EXOC3L2: variants seen among roughly 807,000 people sequenced by gnomAD.
EXOC3L2 encodes the protein exocyst complex component 3 like 2.
A neutral mutation model predicts 44.4 loss-of-function variants in EXOC3L2; 17 were observed. The observed-to-expected ratio is 0.38, with a 90% CI of 0.26 to 0.57. The LOEUF is 0.57. EXOC3L2 is among the 20% of genes least tolerant of loss of function. The pLI is 0.65. For missense variants in EXOC3L2, 541 were observed against 588.4 expected, an observed-to-expected ratio of 0.92 and a Z score of 0.83; for synonymous variants, 256 against 253.7, an observed-to-expected ratio of 1.01 and a Z score of -0.09.
chr19:45,242,233 A>G (rs1380314223), intron 1 of EXOC3L2, among the ~76,000 whole-genome samples: 2 of 152,164 alleles, frequency 1.3e-5, no homozygotes, highest in Non-Finnish European at 1.5e-5. Context: ...CACAGCTCAC[A>G]CAATCATTTG....
chr19:45,241,439 C>T (rs1462116757), intron 1 of EXOC3L2, among the ~76,000 whole-genome samples: 2 of 148,212 alleles, frequency 1.3e-5, no homozygotes, highest in Non-Finnish European at 3.0e-5. Context: ...GATCGCGCCA[C>T]TGCACTCCAG....
At chr19:45,230,055 T>TG (rs748596491) in intron 4 of EXOC3L2, among the ~76,000 whole-genome samples, 3 of 151,876 alleles carry the variant, frequency 2.0e-5, no homozygotes, top group Non-Finnish European at 4.4e-5. Context: ...GGCCACGTCT[T>TG]GCTCTGTCCC....
At chr19:45,213,449 AT>A (rs1377679076) in intron 11 of EXOC3L2, 92 bp from the exon 12 acceptor site, 79 of 1,501,824 alleles carry the variant, frequency 5.3e-5, no homozygotes, top group Non-Finnish European at 6.8e-5. Flanking sequence ...CCCCTCACCT[AT>A]CCCAGAAATT....
chr19:45,217,647 C>A lies in EXOC3L2; in HGVS notation c.1879G>T (p.Glu627Ter). The A allele has an allele frequency of 7.0e-7, 1 of 1,434,168 alleles. No individual in the cohort carries two copies. The highest frequency in any genetic ancestry group is 9.1e-7 in the Non-Finnish European group (1 of 1,103,106). 88.8% of individuals were successfully genotyped at this position (1,434,168 alleles called of 1,614,324 possible). ...VAELHRRALV[E>*]YVRPLLRGRL... ...CCACGGAGCAGGGGCCGCACGTACT[C>A]GACCAGCGCCCGCCGGTGTAGCTCG... The change falls in exon 10 of 12, where the codon GAG becomes TAG. Residue 627 changes from glutamate to a stop codon, truncating the protein, a stop_gained. Coordinates refer to ENST00000413988, the MANE Select transcript of EXOC3L2 (RefSeq NM_001382422.1). LOFTEE classifies it high-confidence loss of function.
chr19:45,224,136 G>A (rs1034664043), intron 8 of EXOC3L2, among the ~76,000 whole-genome samples: 28 of 151,644 alleles, frequency 1.8e-4, no homozygotes, highest in African/African-American at 5.3e-4. Flanking sequence ...GGGGGCTGGC[G>A]TGGCTGGAGT....
At chr19:45,216,018 C>T (rs981369344) in intron 11 of EXOC3L2, 55 bp downstream of exon 11, 17 of 1,602,026 alleles carry the variant, frequency 1.1e-5, no homozygotes, top group African/African-American at 6.7e-5. Context: ...ATGCCAAGGC[C>T]GCCAGGAGAC....
intron 4 of EXOC3L2, 95 bp downstream of exon 4, chr19:45,231,668 A>G: frequency 1.9e-6 from 2 of 1,075,322 alleles, no homozygotes; most frequent in Admixed American, 4.3e-5. Context: ...GGGAGTTGGA[A>G]AGAGTGAAAG....
chr19:45,233,524 G>A (rs1970051425), intron 3 of EXOC3L2, among the ~76,000 whole-genome samples: 1 of 152,184 alleles, frequency 6.6e-6, no homozygotes, highest in Non-Finnish European at 1.5e-5. Context: ...CTCTAAGACT[G>A]GAAGGGTGAA....
At position 45,239,378 on chromosome 19, in the gene EXOC3L2, C is replaced by T. The variant is rs550943146; in HGVS notation, c.-16-317G>A. Among the ~76,000 whole-genome samples the T allele has an allele frequency of 1.2e-3, 172 of 145,338 alleles. 1 individual carries two copies. Among genetic ancestry groups the T allele is most frequent in the African/African-American group, 4.2e-3 (163 of 39,246 alleles). ...GACTACAGGCGCCCACCACCACGCC[C>T]GGCTAACTTTTGTATTTTTAGTAGA... On this transcript the variant is annotated intron_variant, in intron 1 of 11. Coordinates refer to ENST00000413988, the MANE Select transcript of EXOC3L2 (RefSeq NM_001382422.1).
At position 45,221,081 on chromosome 19, in the gene EXOC3L2, G is replaced by T. The variant is rs570154043; in HGVS notation, c.1720-2762C>A. ...GAGGCTGCAGTCTGGGTAGACACAG[G>T]GCATGTGAAGTTCGGAGATATCCCC... is the stretch of plus-strand genomic sequence containing the variant. On this transcript the variant is annotated intron_variant, in intron 8 of 11. Transcript: ENST00000413988. Among the ~76,000 whole-genome samples the T allele has an allele frequency of 2.6e-5, 4 of 152,138 alleles. No individual in the cohort carries two copies. The South Asian group carries it at 8.3e-4, about 32-fold the overall frequency.
rs1969984364 is a variant in EXOC3L2, at chr19:45,228,004, C to T, written c.1442G>A (p.Cys481Tyr). 2 of 1,614,008 alleles carry T rather than the reference C, an allele frequency of 1.2e-6. No individual in the cohort carries two copies. The highest frequency in any genetic ancestry group is 1.7e-6 in the Non-Finnish European group (2 of 1,180,026). The part of the protein sequence containing the change: ...QEFGERMAHC[C>Y]LGGLAEFLQS... The stretch of plus-strand genomic sequence containing the variant: ...CAGGAACTCTGCCAGCCCGCCTAGG[C>T]AGCAGTGGGCCATCCGCTCCCCAAA... The change falls in exon 6 of 12, where the codon TGC becomes TAC. Residue 481 changes from cysteine to tyrosine, a missense_variant. Physicochemically the swap from Cys to Tyr is radical, Grantham distance 194. Transcript: ENST00000413988.
At chr19:45,223,487 T>C (rs142415915) in intron 8 of EXOC3L2, among the ~76,000 whole-genome samples, 13,320 of 151,568 alleles carry the variant, frequency 0.088, 798 homozygotes, top group African/African-American at 0.16. Context: ...GGAGTACAGG[T>C]GTGTGCTGCC....
chr19:45,217,594 G>C lies in EXOC3L2; in HGVS notation c.1932C>G (p.Thr644=), dbSNP rs768964166. The change falls in exon 10 of 12, where the codon ACC becomes ACG. Residue 644 remains threonine, a synonymous_variant. Transcript: ENST00000413988. ...GGAGCCTGCCGGCCACGCGGCTGCG[G>C]GTCCGCGCCGAGCTGCAGCGCAGGC... ...RGRLRCSSAR[T]RSRVAGRLRE... The C allele has an allele frequency of 2.6e-6, 4 of 1,531,170 alleles. No homozygotes were observed. The highest frequency in any genetic ancestry group is 3.5e-6 in the Non-Finnish European group (4 of 1,145,940). The allele number at this position is 1,531,170 out of a possible 1,614,324, so 94.8% of individuals were successfully genotyped here. A position where few individuals can be genotyped will look rare whatever the true frequency, so the allele number is the denominator to read the frequency against.
chr19:45,213,166 A>C lies in EXOC3L2; in HGVS notation c.2312T>G (p.Leu771Arg). 1 of 1,597,462 alleles carries C rather than the reference A, an allele frequency of 6.3e-7. No homozygotes were observed. The highest frequency in any genetic ancestry group is 8.5e-7 in the Non-Finnish European group (1 of 1,171,998). ...PSFCLSLPLF[L>R]GRLPLSRLAR... ...CAGCCGGGAGAGGGGGAGGCGGCCC[A>C]GGAAGAGAGGGAGGCTGAGACAGAA... The change falls in exon 12 of 12, where the codon CTG becomes CGG. Residue 771 changes from leucine to arginine, a missense_variant. Physicochemically the swap from Leu to Arg is moderately radical, Grantham distance 102. Coordinates refer to ENST00000413988, the MANE Select transcript of EXOC3L2 (RefSeq NM_001382422.1).
At chr19:45,240,509 C>T (rs991157799) in intron 1 of EXOC3L2, among the ~76,000 whole-genome samples, 2 of 152,042 alleles carry the variant, frequency 1.3e-5, no homozygotes, top group Non-Finnish European at 2.9e-5. Context: ...GCAGGGTTTC[C>T]TTTTGGGGAA....
intron 4 of EXOC3L2, 51 bp from the exon 5 acceptor site, chr19:45,228,317 C>A (rs1568482503): frequency 1.3e-6 from 2 of 1,501,474 alleles, no homozygotes; most frequent in South Asian, 1.2e-5. Context: ...GCCTGGAGGT[C>A]TTTTTTTTTA....
At chr19:45,213,735 A>G (rs2122949552) in intron 11 of EXOC3L2, among the ~76,000 whole-genome samples, 1 of 152,044 alleles carries the variant, frequency 6.6e-6, no homozygotes, top group East Asian at 1.9e-4. Flanking sequence ...ACCTGAGGTC[A>G]GGAGTTCGAG....
chr19:45,237,303 C>A (rs1970092242), intron 2 of EXOC3L2, among the ~76,000 whole-genome samples: 1 of 151,970 alleles, frequency 6.6e-6, no homozygotes, highest in South Asian at 2.1e-4. Flanking sequence ...AGTTCAAGAC[C>A]AACTTGAGCA....
chr19:45,236,557 T>C (rs1463286197), intron 2 of EXOC3L2, among the ~76,000 whole-genome samples: 1 of 149,746 alleles, frequency 6.7e-6, no homozygotes, highest in Non-Finnish European at 1.5e-5. Flanking sequence ...ATGGATGGAA[T>C]TGAAAATGGA....
Sources: gnomAD v4.1 joint callset for allele counts (sites outside exome capture counted in the v4.1 genomes callset) on GRCh38, gnomAD v4.1.1 for gene constraint, MANE v1.5 for transcripts, NCBI Gene and HGNC (gene_info 2026-07-23, HGNC 2026-07-21) for gene names.